The following XPO6 variants were observed in gnomAD, a reference collection of about 807,000 sequenced individuals.
XPO6 encodes the protein exportin 6.
Under a neutral mutation model 130.0 loss-of-function variants are expected in XPO6, and 3 were observed. That is an observed-to-expected ratio of 0.02 (90% confidence interval 0.01 to 0.06). The LOEUF (loss-of-function observed/expected upper bound fraction) is 0.06, where lower values mean the gene tolerates loss of function less well. Ranked by LOEUF, XPO6 falls within the 10% of genes least tolerant of loss-of-function variation. The probability of loss-of-function intolerance (pLI) is 1.00; values close to 1 mark genes in which losing one functional copy is unlikely to be tolerated. For missense variants in XPO6, 970 were observed against 1,393.0 expected, an observed-to-expected ratio of 0.70 and a Z score of 4.83; for synonymous variants, 524 against 548.9, an observed-to-expected ratio of 0.95 and a Z score of 0.63.
At chr16:28,142,077 G>A (rs2042905291) in intron 9 of XPO6, among the ~76,000 whole-genome samples, 1 of 152,218 alleles carries the variant, frequency 6.6e-6, no homozygotes, top group Admixed American at 6.5e-5. Context: ...AACCACAGGG[G>A]ACAGGAAATG....
rs540151165 is a variant in XPO6 at position 28,132,279 on chromosome 16, C to T, written c.1606+55G>A. 1.1e-5 allele frequency: 15 copies of T among 1,329,286 alleles called. No individual in the cohort carries two copies. The highest frequency in any genetic ancestry group is 3.6e-4 in the Middle Eastern group (2 of 5,550). The allele number at this position is 1,329,286 out of a possible 1,614,324, so 82.3% of individuals were successfully genotyped here. On this transcript the variant is annotated intron_variant, in intron 12 of 23. Transcript: ENST00000304658. This position sits in a 1 kb window ranked among gnomAD's most constrained non-coding sequence, Gnocchi z 4.0. ...AGCAACGGCAGCAGTAATGAAATAT[C>T]AGTCCGATGGTTTTTTGAATGTTTG...
intron 13 of XPO6, among the ~76,000 whole-genome samples, chr16:28,123,297 C>G (rs929663884): frequency 6.6e-6 from 1 of 152,050 alleles, no homozygotes; most frequent in Non-Finnish European, 1.5e-5. Flanking sequence ...TTAGTAGAGA[C>G]AGGTTTCGTC....
Position 28,200,156 on chromosome 16 carries a change from C to CA in XPO6, c.3+11209dup, listed in dbSNP as rs199587858. 9.0e-3 allele frequency among the ~76,000 whole-genome samples: 1,270 copies of CA among 141,418 alleles called. 10 individuals are homozygous for CA. Among genetic ancestry groups the CA allele is most frequent in the African/African-American group, 0.027 (1,035 of 38,242 alleles). The allele number at this position is 141,418 out of a possible 152,430, so 92.8% of individuals were successfully genotyped here. On this transcript the variant is annotated intron_variant, in intron 1 of 23. Coordinates refer to ENST00000304658, the MANE Select transcript of XPO6 (RefSeq NM_015171.4). ...GGCGAAACAGAGGGAGACTCTATCTCAAAAAAAGAAAAGGGAAAGGAAAGG... is the reference window on the plus strand; with the variant it reads ...GGCGAAACAGAGGGAGACTCTATCTCAAAAAAAAGAAAAGGGAAAGGAAAGG...
chr16:28,119,884 G>A (rs1441782435), intron 14 of XPO6, among the ~76,000 whole-genome samples: 2 of 152,060 alleles, frequency 1.3e-5, no homozygotes, highest in African/African-American at 2.4e-5. Flanking sequence ...TTGAGACAGG[G>A]TCTCACTCTG....
chr16:28,143,885 T>C (rs1340168208), intron 9 of XPO6, among the ~76,000 whole-genome samples: 4 of 152,186 alleles, frequency 2.6e-5, no homozygotes, highest in African/African-American at 4.8e-5. Context: ...TCCCCCTGCC[T>C]TGGCCTCCTA....
chr16:28,105,943 A>G lies in XPO6; in HGVS notation c.2784+100T>C, dbSNP rs1340602807. ...ACTACTTTACAAGCATATTAAACTA[A>G]CAAATGAACTTTAAAACACAATACA... is the stretch of plus-strand genomic sequence containing the variant. On this transcript the variant is annotated intron_variant, in intron 20 of 23. Coordinates refer to ENST00000304658, the MANE Select transcript of XPO6 (RefSeq NM_015171.4). The G allele has an allele frequency of 3.3e-6, 5 of 1,515,906 alleles. No homozygotes were observed. The East Asian group carries it at 1.1e-4, about 34-fold the overall frequency. The allele number at this position is 1,515,906 out of a possible 1,614,324, so 93.9% of individuals were successfully genotyped here. A position where few individuals can be genotyped will look rare whatever the true frequency, so the allele number is the denominator to read the frequency against.
Position 28,104,621 on chromosome 16 carries a change from G to A in XPO6, c.2871C>T (p.Thr957=), listed in dbSNP as rs777598981. ...TCCCCCTCTGGACACTGGCCAGCACGGTGGACTTGAAGAAGTACCTCCAGT... is the reference window on the plus strand; with the variant it reads ...TCCCCCTCTGGACACTGGCCAGCACAGTGGACTTGAAGAAGTACCTCCAGT... ...HHNWRYFFKS[T]VLASVQRGIA... The change falls in exon 21 of 24, where the codon ACC becomes ACT. Residue 957 remains threonine (T), a synonymous_variant. Transcript: ENST00000304658. 5.6e-6 allele frequency: 9 copies of A among 1,614,082 alleles called. No homozygotes were observed. Among genetic ancestry groups the A allele is most frequent in the East Asian group, 4.5e-5 (2 of 44,896 alleles).
At chr16:28,148,330 C>T (rs149141683) in intron 8 of XPO6, among the ~76,000 whole-genome samples, 14 of 152,326 alleles carry the variant, frequency 9.2e-5, no homozygotes, top group Admixed American at 3.9e-4. Flanking sequence ...GGCCCCACTG[C>T]GAGGGCTTGT....
At chr16:28,169,965 G>T in intron 4 of XPO6, 56 bp from the exon 5 acceptor site, 2 of 1,593,490 alleles carry the variant, frequency 1.3e-6, no homozygotes, top group East Asian at 4.5e-5. Flanking sequence ...GTACAAAGAG[G>T]ACTCAGTAGC....
chr16:28,169,703 G>A, intron 5 of XPO6, 47 bp downstream of exon 5: 1 of 1,601,764 alleles, frequency 6.2e-7, no homozygotes, highest in Non-Finnish European at 8.5e-7. Context: ...TGAACTCTGG[G>A]TGCCTGCGGG....
intron 8 of XPO6, among the ~76,000 whole-genome samples, chr16:28,151,599 G>A (rs1439475726): frequency 6.6e-6 from 1 of 152,190 alleles, no homozygotes; most frequent in East Asian, 1.9e-4. Context: ...AGATTTCCTG[G>A]TTGCTGGCAA....
chr16:28,176,712 A>T (rs1168183089), intron 3 of XPO6, among the ~76,000 whole-genome samples: 1 of 137,016 alleles, frequency 7.3e-6, no homozygotes, highest in African/African-American at 2.7e-5. Flanking sequence ...GTTTCACCTT[A>T]TTAGCCAGGA....
chr16:28,175,833 A>G, intron 4 of XPO6, 65 bp downstream of exon 4: 3 of 1,482,424 alleles, frequency 2.0e-6, no homozygotes, highest in Non-Finnish European at 2.8e-6. Flanking sequence ...TCTTCAGGAC[A>G]AGGAAATAAT....
chr16:28,110,430 C>G (rs1352103168), intron 17 of XPO6, among the ~76,000 whole-genome samples: 1 of 152,210 alleles, frequency 6.6e-6, no homozygotes, highest in East Asian at 1.9e-4. Flanking sequence ...TGAAATGGAG[C>G]CTTCCACAGC....
At chr16:28,202,034 G>A (rs2043961693) in intron 1 of XPO6, among the ~76,000 whole-genome samples, 1 of 152,150 alleles carries the variant, frequency 6.6e-6, no homozygotes, top group Admixed American at 6.6e-5. Flanking sequence ...TGTCACATAA[G>A]TTTCATTTGC....
At chr16:28,139,350 T>G (rs2042842212) in intron 9 of XPO6, among the ~76,000 whole-genome samples, 1 of 152,310 alleles carries the variant, frequency 6.6e-6, no homozygotes, top group Non-Finnish European at 1.5e-5. Context: ...ACTCCAAAAC[T>G]AAGAGAAAAT....
chr16:28,115,436 T>C (rs2087031541), intron 15 of XPO6, among the ~76,000 whole-genome samples: 1 of 152,226 alleles, frequency 6.6e-6, no homozygotes, highest in Admixed American at 6.5e-5. Context: ...ACCAGGTGCA[T>C]TGCCAATCAG....
intron 9 of XPO6, among the ~76,000 whole-genome samples, chr16:28,142,472 C>T (rs974223637): frequency 6.6e-6 from 1 of 152,206 alleles, no homozygotes; most frequent in African/African-American, 2.4e-5. Context: ...CTGTCTTAGA[C>T]CACTAAGGGG....
intron 11 of XPO6, among the ~76,000 whole-genome samples, chr16:28,133,281 G>A (rs1396842146): frequency 2.6e-5 from 4 of 151,998 alleles, no homozygotes; most frequent in Admixed American, 6.6e-5. Context: ...AGGTTGCAGT[G>A]AGCCAAGATC....
Sources: gnomAD v4.1 joint callset for allele counts (sites outside exome capture counted in the v4.1 genomes callset) on GRCh38, gnomAD v4.1.1 for gene constraint, Gnocchi (gnomAD v3.1) non-coding constraint, MANE v1.5 for transcripts, NCBI Gene and HGNC (gene_info 2026-07-23, HGNC 2026-07-21) for gene names.